The following CDCP2 variants were observed in gnomAD, a reference collection of about 807,000 sequenced individuals.
CDCP2 encodes CUB domain containing protein 2.
A neutral mutation model predicts 31.0 loss-of-function variants in CDCP2; 31 were observed. That is an observed-to-expected ratio of 1.00 (90% CI 0.75 to 1.35). The LOEUF (loss-of-function observed/expected upper bound fraction) is 1.35. Ranked by LOEUF, CDCP2 falls within the 40% of genes most tolerant of loss-of-function variation. CDCP2 has a pLI of 0.00. For missense variants in CDCP2, 443 were observed against 482.6 expected, an observed-to-expected ratio of 0.92 and a Z score of 0.77; for synonymous variants, 206 against 207.9, an observed-to-expected ratio of 0.99 and a Z score of 0.08.
intron 4 of CDCP2, chr1:54,138,727 G>A (rs753230300): frequency 1.3e-5 from 2 of 152,174 alleles, no homozygotes; most frequent in African/African-American, 4.8e-5. Context: ...CCTCCCTCGT[G>A]CCCCTCTCAA....
chr1:54,139,593 G>A (rs773038326), intron 4 of CDCP2, 160 bp downstream of exon 4: 20 of 1,613,694 alleles, frequency 1.2e-5, no homozygotes, highest in Middle Eastern at 1.7e-4. Flanking sequence ...TAGGGGTCCC[G>A]AGAGTGGGCA....
At position 54,147,075 on chromosome 1, in the gene CDCP2, CAAAAAAAAAAA is replaced by C. The variant is rs71066904; in HGVS notation, c.80-2273_80-2263del. Among the ~76,000 whole-genome samples, 198 of 56,908 alleles carry C rather than the reference CAAAAAAAAAAA, an allele frequency of 3.5e-3. 3 individuals carry two copies. Among genetic ancestry groups the C allele is most frequent in the African/African-American group, 0.012 (165 of 14,004 alleles). 37.3% of individuals were successfully genotyped at this position (56,908 alleles called of 152,430 possible). A position where few individuals can be genotyped will look rare whatever the true frequency, so the allele number is the denominator to read the frequency against. ...TGGGTGACAGAGCAAGACTCCATCT[CAAAAAAAAAAA>C]AAAAAAAAAAAAAAAAAAGACACAG... On this transcript the variant is annotated intron_variant, in intron 1 of 5. Transcript: ENST00000530059.
At position 54,139,644 on chromosome 1, in the gene CDCP2, A is replaced by ATGG. The variant is rs776351407; in HGVS notation, c.1117+106_1117+108dup. ...GAGAAGGAGCTGGAGAAGACCATTC[A>ATGG]TGGGGGGGGCAGGACAAACTGGTGG... is the stretch of plus-strand genomic sequence containing the variant. On this transcript the variant is annotated intron_variant, in intron 4 of 5. Coordinates refer to ENST00000530059, the Ensembl canonical transcript of CDCP2. 3.6e-6 allele frequency: 5 copies of ATGG among 1,377,060 alleles called. No individual in the cohort carries two copies. In the South Asian group the frequency reaches 5.1e-5, roughly 14 times the overall value. 85.3% of individuals were successfully genotyped at this position (1,377,060 alleles called of 1,614,324 possible).
At chr1:54,134,839 G>A (rs1177928707) in intron 5 of CDCP2, among the ~76,000 whole-genome samples, 1 of 152,034 alleles carries the variant, frequency 6.6e-6, no homozygotes, top group Admixed American at 6.6e-5. Flanking sequence ...GGGTTCAAGC[G>A]ATTCTCATGC....
At chr1:54,141,552 C>T (rs1466772550) in intron 2 of CDCP2, 119 bp from the exon 3 acceptor site, 5 of 855,766 alleles carry the variant, frequency 5.8e-6, no homozygotes, top group Non-Finnish European at 9.0e-6. Context: ...GGCCTCATTA[C>T]CATCCAGCAA....
exon 1 of CDCP2, chr1:54,152,844 C>T (rs1659607389): frequency 1.9e-6 from 3 of 1,614,118 alleles, no homozygotes; most frequent in Non-Finnish European, 1.7e-6. Flanking sequence ...GAGTGCCTAC[C>T]TTCCATGGCT....
At chr1:54,136,369 A>G (rs1004245757) in intron 5 of CDCP2, among the ~76,000 whole-genome samples, 2 of 152,206 alleles carry the variant, frequency 1.3e-5, no homozygotes, top group Admixed American at 6.5e-5. Flanking sequence ...AGCTGGGGTT[A>G]GGAAAGAGAG....
At chr1:54,133,607 C>A (rs1659202177) in intron 5 of CDCP2, among the ~76,000 whole-genome samples, 1 of 152,156 alleles carries the variant, frequency 6.6e-6, no homozygotes, top group East Asian at 1.9e-4. Context: ...CCACTAAAAC[C>A]CCCATGTGGC....
At chr1:54,140,298 T>C (rs1659343896) in intron 3 of CDCP2, 192 bp from the exon 4 acceptor site, 1 of 604,672 alleles carries the variant, frequency 1.7e-6, no homozygotes, top group Non-Finnish European at 2.9e-6. Flanking sequence ...CCAAAGCTTG[T>C]TTTAAACTGC....
At position 54,150,393 on chromosome 1, in the gene CDCP2, G is replaced by A. The variant is rs542574787; in HGVS notation, c.79+2451C>T. On this transcript the variant is annotated intron_variant, in intron 1 of 5. Coordinates refer to ENST00000530059, the Ensembl canonical transcript of CDCP2. The stretch of plus-strand genomic sequence containing the variant: ...GTGGATCACCTGAGGTCAGGAGTTC[G>A]AGACCAGCCCAGCCAACATGGTGAA... Among the ~76,000 whole-genome samples the A allele has an allele frequency of 8.4e-4, 128 of 152,270 alleles. 1 individual carries two copies. In the South Asian group the frequency reaches 0.01, roughly 12 times the overall value.
intron 1 of CDCP2, among the ~76,000 whole-genome samples, chr1:54,146,337 A>G (rs1007197501): frequency 3.3e-5 from 5 of 151,566 alleles, no homozygotes; most frequent in African/African-American, 1.2e-4. Flanking sequence ...CCGCCACCAC[A>G]CCCAGCTAAT....
intron 5 of CDCP2, among the ~76,000 whole-genome samples, chr1:54,135,522 G>A (rs1659243178): frequency 6.6e-6 from 1 of 152,160 alleles, no homozygotes; most frequent in African/African-American, 2.4e-5. Flanking sequence ...TTCTGGTGGT[G>A]GTTCTGTGAC....
chr1:54,147,965 T>G (rs1288370900), intron 1 of CDCP2, among the ~76,000 whole-genome samples: 1 of 149,150 alleles, frequency 6.7e-6, no homozygotes, highest in Non-Finnish European at 1.5e-5. Context: ...TGACCCATGG[T>G]GGAACCACTG....
intron 4 of CDCP2, 28 bp from the exon 5 acceptor site, chr1:54,136,836 C>A: frequency 5.0e-6 from 2 of 399,210 alleles, no homozygotes; most frequent in Non-Finnish European, 8.8e-6. Context: ...GAGCTGGAAG[C>A]CTTAGGGTCA....
chr1:54,140,188 A>T (rs950838384), intron 3 of CDCP2, 82 bp from the exon 4 acceptor site: 20 of 1,363,338 alleles, frequency 1.5e-5, no homozygotes, highest in Non-Finnish European at 2.1e-5. Context: ...CTTAGGCAGC[A>T]GGTGCCACAG....
At chr1:54,135,205 G>A (rs1304329964) in intron 5 of CDCP2, among the ~76,000 whole-genome samples, 2 of 151,956 alleles carry the variant, frequency 1.3e-5, no homozygotes, top group Non-Finnish European at 2.9e-5. Flanking sequence ...GGAAGCTTTA[G>A]GGGGTTTTGA....
Position 54,134,504 on chromosome 1 carries a change from A to C in CDCP2, c.1297-1210T>G, listed in dbSNP as rs192500724. Among the ~76,000 whole-genome samples, 206 of 152,154 alleles carry C rather than the reference A, an allele frequency of 1.4e-3. 2 individuals are homozygous for C. In the Middle Eastern group the frequency reaches 0.014, roughly 10 times the overall value. On this transcript the variant is annotated intron_variant, in intron 5 of 5. Transcript: ENST00000530059. ...GTGATGCAGAACTACTCTCCCAACC[A>C]CGCCCAATCTGCAGCAGCCACTGCC...
chr1:54,135,760 A>G (rs1419798317), intron 5 of CDCP2, among the ~76,000 whole-genome samples: 2 of 151,992 alleles, frequency 1.3e-5, no homozygotes, highest in Non-Finnish European at 2.9e-5. Flanking sequence ...GGTGGTTGCC[A>G]GGAGGCTGGG....
rs888394043 is a variant in CDCP2 at position 54,133,127 on chromosome 1, C to T, written c.1464G>A (p.Ala488=). 38 of 399,014 alleles carry T rather than the reference C, an allele frequency of 9.5e-5. 1 individual carries two copies. The highest frequency in any genetic ancestry group is 1.4e-4 in the Non-Finnish European group (32 of 226,138). 24.7% of individuals were successfully genotyped at this position (399,014 alleles called of 1,614,324 possible). The change falls in exon 6 of 6, where the codon GCG becomes GCA. Residue 488 remains alanine, a synonymous_variant. Coordinates refer to ENST00000530059, the Ensembl canonical transcript of CDCP2. ...TGGGTGGTGCTTCCTGAAGGTGCTC[C>T]GCAGTGGCAGCATAGGGCCCCAGCC...
Sources: allele counts gnomAD v4.1 joint callset (sites outside exome capture counted in the v4.1 genomes callset), GRCh38; gene constraint gnomAD v4.1.1; transcripts MANE v1.5; gene names NCBI Gene and HGNC (gene_info 2026-07-23, HGNC 2026-07-21).